The following KIF2B variants were observed in gnomAD, a reference collection of about 807,000 sequenced individuals.
KIF2B encodes kinesin family member 2B.
Under a neutral mutation model 6.8 loss-of-function variants are expected in KIF2B, and 5 were observed. That is an observed-to-expected ratio of 0.74 (90% CI 0.39 to 1.55). KIF2B has a LOEUF of 1.55. KIF2B is among the 40% of genes most tolerant of loss of function. KIF2B has a pLI of 0.03. For missense variants in KIF2B, 908 were observed against 831.3 expected, an observed-to-expected ratio of 1.09 and a Z score of -1.13; for synonymous variants, 370 against 330.7, an observed-to-expected ratio of 1.12 and a Z score of -1.29.
At position 53,824,127 on chromosome 17, in the gene KIF2B, A is replaced by G. The variant is rs2143783698; in HGVS notation, c.1094A>G (p.Tyr365Cys). Reference protein sequence around the residue: ...TFFEIYGGKVYDLLNWKKKLQ... With the variant: ...TFFEIYGGKVCDLLNWKKKLQ... Reference sequence around the variant, plus strand: ...TTTGAGATTTATGGGGGCAAGGTGTATGATTTGTTGAACTGGAAGAAGAAG... The same window carrying G: ...TTTGAGATTTATGGGGGCAAGGTGTGTGATTTGTTGAACTGGAAGAAGAAG... Residue 365 changes from tyrosine to cysteine, a missense_variant, in exon 1 of 1, where the codon TAT becomes TGT. By Grantham distance (194) the Tyr-to-Cys change is radical. Transcript: ENST00000268919. The G allele has an allele frequency of 6.2e-6, 10 of 1,614,240 alleles. No homozygotes were observed. Among genetic ancestry groups the G allele is most frequent in the Non-Finnish European group, 8.5e-6 (10 of 1,180,030 alleles).
At position 53,824,757 on chromosome 17, in the gene KIF2B, C is replaced by A. The variant is rs1906519297; in HGVS notation, c.1724C>A (p.Ser575Tyr). The change falls in exon 1 of 1, where the codon TCC becomes TAC. Residue 575 changes from serine to tyrosine, a missense_variant. By Grantham distance (144) the Ser-to-Tyr change is moderately radical (BLOSUM62 -2). Coordinates refer to ENST00000268919, the MANE Select transcript of KIF2B (RefSeq NM_032559.5). ...LKSHIGNSEM[S>Y]LQRDEFIKIP... is the part of the protein sequence containing the mutation. ...AGTCACATCGGAAATTCAGAAATGT[C>A]CCTTCAGAGGGATGAATTTATTAAA... 6.2e-7 allele frequency: 1 copy of A among 1,614,020 alleles called. No individual in the cohort carries two copies.
rs1221757909 is a variant in KIF2B at position 53,823,604 on chromosome 17, A to T, written c.571A>T (p.Ile191Phe). The T allele has an allele frequency of 1.2e-6, 2 of 1,613,192 alleles. No homozygotes were observed. The highest frequency in any genetic ancestry group is 2.2e-5 in the South Asian group (2 of 91,088). The change falls in exon 1 of 1, where the codon ATC becomes TTC. Residue 191 changes from isoleucine (I) to phenylalanine (F), a missense_variant. Coordinates refer to ENST00000268919, the MANE Select transcript of KIF2B (RefSeq NM_032559.5). ...RNPNYEIMHMIEEYRRHLDSS... is the reference protein window; with the variant it reads ...RNPNYEIMHMFEEYRRHLDSS... ...CCCCAACTACGAAATCATGCACATG[A>T]TCGAAGAGTATCGCAGGCACCTGGA...
In KIF2B at chr17:53,823,825, C is replaced by A. The variant is rs1906478133; in HGVS notation, c.792C>A (p.Phe264Leu). 3 of 1,614,236 alleles carry A rather than the reference C, an allele frequency of 1.9e-6. No homozygotes were observed. The highest frequency in any genetic ancestry group is 3.3e-4 in the Middle Eastern group (2 of 6,062). The change falls in exon 1 of 1, where the codon TTC (phenylalanine) becomes TTA (leucine). Residue 264 changes from phenylalanine to leucine, a missense_variant. Transcript: ENST00000268919. Reference protein sequence around the residue: ...DLTRYLQNQTFCFDHAFDDKA... With the variant: ...DLTRYLQNQTLCFDHAFDDKA... ...CTCGCTACCTGCAGAACCAGACCTT[C>A]TGCTTCGACCATGCCTTCGATGACA...
rs773474575 is a variant in KIF2B, at chr17:53,824,586, C to T, written c.1553C>T (p.Ala518Val). 3.1e-6 allele frequency: 5 copies of T among 1,614,116 alleles called. No individual in the cohort carries two copies. In the South Asian group the frequency reaches 4.4e-5, roughly 14 times the overall value. ...IGQNSSTCMI[A>V]TISPGMTSCE... Reference sequence around the variant, plus strand: ...CAGAACTCCTCCACTTGCATGATTGCTACCATCTCTCCGGGGATGACCTCT... The same window carrying T: ...CAGAACTCCTCCACTTGCATGATTGTTACCATCTCTCCGGGGATGACCTCT... The change falls in exon 1 of 1, where the codon GCT (alanine) becomes GTT (valine). Residue 518 changes from alanine (A) to valine (V), a missense_variant. Coordinates refer to ENST00000268919, the MANE Select transcript of KIF2B (RefSeq NM_032559.5).
Position 53,824,352 on chromosome 17 carries a change from A to T in KIF2B, c.1319A>T (p.His440Leu), listed in dbSNP as rs2143784920. The T allele has an allele frequency of 6.2e-7, 1 of 1,614,148 alleles. No individual in the cohort carries two copies. The highest frequency in any genetic ancestry group is 8.5e-7 in the Non-Finnish European group (1 of 1,180,026). The change falls in exon 1 of 1, where the codon CAT becomes CTT. Residue 440 changes from histidine to leucine, a missense_variant. His to Leu is a moderately conservative substitution (Grantham distance 99). Transcript: ENST00000268919. ...QIILKSGRIM[H>L]GKFSLVDLAG... ...ATCCTGAAGTCAGGACGGATAATGC[A>T]TGGCAAGTTTTCCCTCGTTGATTTA...
In KIF2B at chr17:53,824,944, C is replaced by T. The variant is rs2143787757; in HGVS notation, c.1911C>T (p.Cys637=). 6.2e-7 allele frequency: 1 copy of T among 1,614,066 alleles called. No individual in the cohort carries two copies. The highest frequency in any genetic ancestry group is 2.2e-5 in the East Asian group (1 of 44,868). ...AGGVHHDIDF[C]IARSLSILEQ... ...GAGTACACCATGATATTGATTTTTG[C>T]ATTGCCCGGTCTTTGTCCATTTTGG... Residue 637 remains cysteine, a synonymous_variant, in exon 1 of 1, where the codon TGC becomes TGT. Transcript: ENST00000268919.
chr17:53,823,417 G>A lies in KIF2B; in HGVS notation c.384G>A (p.Gly128=), dbSNP rs1397562475. Residue 128 remains glycine (G), a synonymous_variant, in exon 1 of 1, where the codon GGG becomes GGA. Coordinates refer to ENST00000268919, the MANE Select transcript of KIF2B (RefSeq NM_032559.5). ...CCCAGAAAAACCAAACAGCCTCAGG[G>A]GACAGCCTGGATGTGAGGGTCCCCA... ...MIPQKNQTAS[G]DSLDVRVPSK... 1.2e-6 allele frequency: 2 copies of A among 1,613,998 alleles called. No homozygotes were observed. Among genetic ancestry groups the A allele is most frequent in the African/African-American group, 1.3e-5 (1 of 74,906 alleles).
rs2143779768 is a variant in KIF2B at position 53,823,466 on chromosome 17, A to T, written c.433A>T (p.Lys145Ter). The change falls in exon 1 of 1, where the codon AAA (lysine) becomes TAA (stop). Residue 145 changes from lysine (K) to a stop codon, truncating the protein, a stop_gained. Coordinates refer to ENST00000268919, the MANE Select transcript of KIF2B (RefSeq NM_032559.5). LOFTEE classifies it high-confidence loss of function. The stretch of plus-strand genomic sequence containing the variant: ...CAGCAAACCTTGTCTGATGAAGCAG[A>T]AAAAGTCTCCCTGCCTCTGGGAAAT... Reference protein sequence around the residue: ...VPSKPCLMKQKKSPCLWEIQK... With the variant: ...VPSKPCLMKQ The T allele has an allele frequency of 6.2e-7, 1 of 1,614,144 alleles. No homozygotes were observed. Among genetic ancestry groups the T allele is most frequent in the Non-Finnish European group, 8.5e-7 (1 of 1,180,042 alleles).
Position 53,824,098 on chromosome 17 carries a change from AT to A in KIF2B, c.1071del (p.Phe357LeufsTer12). 3 of 1,614,214 alleles carry A rather than the reference AT, an allele frequency of 1.9e-6. 1 individual carries two copies. The Middle Eastern group carries it at 4.9e-4, about 266-fold the overall frequency. ...AGCTGGACCTCAAAGTCTATGGGAC[AT>A]TTTTTGAGATTTATGGGGGCAAGGT... ...EKLDLKVYGT[F>X]FEIYGGKVYD... On this transcript the variant is annotated frameshift_variant, in exon 1 of 1. Transcript: ENST00000268919. LOFTEE classifies it low-confidence loss of function (END_TRUNC).
At position 53,824,813 on chromosome 17, in the gene KIF2B, G is replaced by T. The variant is rs146225806; in HGVS notation, c.1780G>T (p.Glu594Ter). The T allele has an allele frequency of 6.2e-7, 1 of 1,613,820 alleles. No individual in the cohort carries two copies. The highest frequency in any genetic ancestry group is 1.3e-5 in the African/African-American group (1 of 74,914). Reference protein sequence around the residue: ...IPYVQSEEQKEIEEVETLPTL... With the variant: ...IPYVQSEEQK ...TTATGTACAGAGTGAGGAGCAGAAAGAGATTGAAGAGGTTGAAACATTACC... is the reference window on the plus strand; with the variant it reads ...TTATGTACAGAGTGAGGAGCAGAAATAGATTGAAGAGGTTGAAACATTACC... Residue 594 changes from glutamate to a stop codon, truncating the protein, a stop_gained, in exon 1 of 1, where the codon GAG (glutamate) becomes TAG (stop). Transcript: ENST00000268919. LOFTEE classifies it low-confidence loss of function (END_TRUNC).
rs1367422219 is a variant in KIF2B at position 53,823,561 on chromosome 17, C to T, written c.528C>T (p.Leu176=). ...AGGAGATCCGAGCTAGACGCGCCCTCGATGTCAATACCAGAAACCCCAACT... is the reference window on the plus strand; with the variant it reads ...AGGAGATCCGAGCTAGACGCGCCCTTGATGTCAATACCAGAAACCCCAACT... ...LQQEIRARRA[L]DVNTRNPNYE... Residue 176 remains leucine, a synonymous_variant, in exon 1 of 1, where the codon CTC becomes CTT. Coordinates refer to ENST00000268919, the MANE Select transcript of KIF2B (RefSeq NM_032559.5). 3.1e-6 allele frequency: 5 copies of T among 1,613,354 alleles called. No homozygotes were observed. Among genetic ancestry groups the T allele is most frequent in the Non-Finnish European group, 4.2e-6 (5 of 1,180,028 alleles).
In KIF2B at chr17:53,824,175, A is replaced by T. The variant is rs2143783938; in HGVS notation, c.1142A>T (p.Asn381Ile). 3 of 1,614,204 alleles carry T rather than the reference A, an allele frequency of 1.9e-6. No homozygotes were observed. Residue 381 changes from asparagine to isoleucine, a missense_variant, in exon 1 of 1, where the codon AAT becomes ATT. Asn to Ile is a moderately radical substitution (Grantham distance 149). Coordinates refer to ENST00000268919, the MANE Select transcript of KIF2B (RefSeq NM_032559.5). ...AAGCTGCAAGTCCTTGAGGATGGCAATCAGCAAATCCAAGTGGTCGGGCTG... is the reference window on the plus strand; with the variant it reads ...AAGCTGCAAGTCCTTGAGGATGGCATTCAGCAAATCCAAGTGGTCGGGCTG... ...KKKLQVLEDG[N>I]QQIQVVGLQE...
In KIF2B at chr17:53,823,532, C is replaced by A; in HGVS notation, c.499C>A (p.Gln167Lys). The A allele has an allele frequency of 1.2e-6, 2 of 1,613,866 alleles. No individual in the cohort carries two copies. Among genetic ancestry groups the A allele is most frequent in the Non-Finnish European group, 8.5e-7 (1 of 1,180,032 alleles). Residue 167 changes from glutamine to lysine, a missense_variant, in exon 1 of 1, where the codon CAG becomes AAG. Physicochemically the swap from Gln to Lys is moderately conservative, Grantham distance 53. Transcript: ENST00000268919. Reference sequence around the variant, plus strand: ...GCAGCGGGAAAAGCGCAGGCGGCTGCAGCAGGAGATCCGAGCTAGACGCGC... The same window carrying A: ...GCAGCGGGAAAAGCGCAGGCGGCTGAAGCAGGAGATCCGAGCTAGACGCGC... ...QEQREKRRRL[Q>K]QEIRARRALD...
Position 53,824,181 on chromosome 17 carries a change from A to T in KIF2B, c.1148A>T (p.Gln383Leu), listed in dbSNP as rs374662884. 4 of 1,614,084 alleles carry T rather than the reference A, an allele frequency of 2.5e-6. No individual in the cohort carries two copies. The African/African-American group carries it at 5.3e-5, about 22-fold the overall frequency. ...KLQVLEDGNQ[Q>L]IQVVGLQEKE... ...CAAGTCCTTGAGGATGGCAATCAGC[A>T]AATCCAAGTGGTCGGGCTGCAGGAG... Residue 383 changes from glutamine to leucine, a missense_variant, in exon 1 of 1, where the codon CAA (glutamine) becomes CTA (leucine). By Grantham distance (113) the Gln-to-Leu change is moderately radical. Transcript: ENST00000268919.
rs2143787570 is a variant in KIF2B at position 53,824,900 on chromosome 17, A to T, written c.1867A>T (p.Ile623Phe). The stretch of plus-strand genomic sequence containing the variant: ...GGGATCTAGCCAATGGCTGGAAAAC[A>T]TCCAGGAGAGAGCTGGTGGAGTACA... ...GKGSSQWLEN[I>F]QERAGGVHHD... Residue 623 changes from isoleucine (I) to phenylalanine (F), a missense_variant, in exon 1 of 1, where the codon ATC (isoleucine) becomes TTC (phenylalanine). By Grantham distance (21) the Ile-to-Phe change is conservative (BLOSUM62 0). Transcript: ENST00000268919. 11 of 1,614,154 alleles carry T rather than the reference A, an allele frequency of 6.8e-6. No homozygotes were observed. The highest frequency in any genetic ancestry group is 9.3e-6 in the Non-Finnish European group (11 of 1,180,016).
In KIF2B at chr17:53,824,825, G is replaced by A. The variant is rs1403265582; in HGVS notation, c.1792G>A (p.Val598Ile). The A allele has an allele frequency of 6.2e-7, 1 of 1,613,864 alleles. No individual in the cohort carries two copies. ...TGAGGAGCAGAAAGAGATTGAAGAG[G>A]TTGAAACATTACCCACTCTGTTAGG... The part of the protein sequence containing the change: ...QSEEQKEIEE[V>I]ETLPTLLGKD... Residue 598 changes from valine (V) to isoleucine (I), a missense_variant, in exon 1 of 1, where the codon GTT (valine) becomes ATT (isoleucine). Transcript: ENST00000268919.
rs2143782704 is a variant in KIF2B at position 53,823,944 on chromosome 17, A to G, written c.911A>G (p.Gln304Arg). The G allele has an allele frequency of 1.2e-6, 2 of 1,614,258 alleles. No individual in the cohort carries two copies. The highest frequency in any genetic ancestry group is 1.1e-5 in the South Asian group (1 of 91,092). ...KGMATCFAYG[Q>R]TGSGKTYTMG... ...ATGGCCACCTGCTTTGCCTATGGGC[A>G]GACGGGAAGTGGGAAGACGTACACC... Residue 304 changes from glutamine to arginine, a missense_variant, in exon 1 of 1, where the codon CAG (glutamine) becomes CGG (arginine). By Grantham distance (43) the Gln-to-Arg change is conservative (BLOSUM62 1). Transcript: ENST00000268919.
In KIF2B at chr17:53,824,993, G is replaced by A. The variant is rs182252239; in HGVS notation, c.1960G>A (p.Glu654Lys). Residue 654 changes from glutamate to lysine, a missense_variant, in exon 1 of 1, where the codon GAG (glutamate) becomes AAG (lysine). By Grantham distance (56) the Glu-to-Lys change is moderately conservative (BLOSUM62 1). Coordinates refer to ENST00000268919, the MANE Select transcript of KIF2B (RefSeq NM_032559.5). ...ILEQKIDALT[E>K]IQKKLKLLLA... is the part of the protein sequence containing the mutation. ...GGAGCAGAAAATTGATGCTCTGACCGAGATCCAAAAGAAACTGAAATTATT... is the reference window on the plus strand; with the variant it reads ...GGAGCAGAAAATTGATGCTCTGACCAAGATCCAAAAGAAACTGAAATTATT... 254 of 1,613,922 alleles carry A rather than the reference G, an allele frequency of 1.6e-4. 1 individual carries two copies. In the East Asian group the frequency reaches 5.0e-3, roughly 32 times the overall value.
chr17:53,824,990 A>G lies in KIF2B; in HGVS notation c.1957A>G (p.Thr653Ala), dbSNP rs1906528433. The change falls in exon 1 of 1, where the codon ACC becomes GCC. Residue 653 changes from threonine (T) to alanine (A), a missense_variant. By Grantham distance (58) the Thr-to-Ala change is moderately conservative. Transcript: ENST00000268919. Reference protein sequence around the residue: ...SILEQKIDALTEIQKKLKLLL... With the variant: ...SILEQKIDALAEIQKKLKLLL... ...TTTGGAGCAGAAAATTGATGCTCTG[A>G]CCGAGATCCAAAAGAAACTGAAATT... The G allele has an allele frequency of 6.2e-7, 1 of 1,613,922 alleles. No individual in the cohort carries two copies. The highest frequency in any genetic ancestry group is 1.7e-5 in the Admixed American group (1 of 59,966).
Sources: gnomAD v4.1 joint callset for allele counts on GRCh38, gnomAD v4.1.1 for gene constraint, MANE v1.5 for transcripts, NCBI Gene and HGNC (gene_info 2026-07-23, HGNC 2026-07-21) for gene names.